The following PTRH1 variants were observed in gnomAD, a reference collection of about 807,000 sequenced individuals.
The protein encoded by PTRH1 is peptidyl-tRNA hydrolase.
A neutral mutation model predicts 15.7 loss-of-function variants in PTRH1; 13 were observed. The ratio of observed to expected loss-of-function variants is 0.83; its 90% CI spans 0.54 to 1.31. The LOEUF (loss-of-function observed/expected upper bound fraction) is 1.31, where lower values mean the gene tolerates loss of function less well. PTRH1 is among the 40% of genes most tolerant of loss of function. The pLI is 0.00. For synonymous variants in PTRH1, 139 were observed against 136.7 expected, an observed-to-expected ratio of 1.02 and a Z score of -0.12; for missense variants, 319 against 296.2, an observed-to-expected ratio of 1.08 and a Z score of -0.56.
chr9:127,700,037 C>T (rs558299778), intron 1 of PTRH1, among the ~76,000 whole-genome samples: 4 of 152,090 alleles, frequency 2.6e-5, no homozygotes, highest in African/African-American at 7.2e-5. Context: ...AAAAACTAGC[C>T]GGTTGTGGTG....
chr9:127,696,522 G>T (rs1228186053), intron 1 of PTRH1, among the ~76,000 whole-genome samples: 1 of 152,164 alleles, frequency 6.6e-6, no homozygotes, highest in African/African-American at 2.4e-5. Context: ...GCAGAGACTA[G>T]ATTTAAACAC....
intron 1 of PTRH1, among the ~76,000 whole-genome samples, chr9:127,707,858 A>G (rs1178759226): frequency 6.6e-6 from 1 of 152,196 alleles, no homozygotes; most frequent in African/African-American, 2.4e-5. Context: ...ACAAACCAGT[A>G]GGCGGCAGCT....
At chr9:127,711,085 C>T, downstream of PTRH1, 1 of 1,027,924 alleles carries the variant, frequency 9.7e-7, no homozygotes, top group Non-Finnish European at 1.4e-6. Context: ...CAGGGAAAGC[C>T]TCCCACCCAT....
At position 127,715,624 on chromosome 9, in the gene PTRH1, A is replaced by C; in HGVS notation, c.16T>G (p.Phe6Val). The change falls in exon 1 of 5, where the codon TTT becomes GTT. Residue 6 changes from phenylalanine (F) to valine (V), a missense_variant. Coordinates refer to ENST00000543175, the MANE Select transcript of PTRH1 (RefSeq NM_001002913.3). This position sits in a 1 kb window ranked among gnomAD's most constrained non-coding sequence, Gnocchi z 5.8. Reference protein sequence around the residue: MRPGGFLGAGQRLSRA... With the variant: MRPGGVLGAGQRLSRA... ...CTCAGCCGCTGTCCGGCGCCCAAAA[A>C]GCCGCCCGGCCTCATGCTGCCCCCA... 1 of 1,612,452 alleles carries C rather than the reference A, an allele frequency of 6.2e-7. No homozygotes were observed. The highest frequency in any genetic ancestry group is 8.5e-7 in the Non-Finnish European group (1 of 1,179,910).
intron 1 of PTRH1, among the ~76,000 whole-genome samples, chr9:127,706,294 T>C (rs1756008): frequency 0.68 from 102,955 of 151,706 alleles, 36,196 homozygotes; most frequent in African/African-American, 0.87. Flanking sequence ...CCCCTGCCCC[T>C]GCCCCAAGGG....
At chr9:127,706,236 C>A (rs1057026467) in intron 1 of PTRH1, among the ~76,000 whole-genome samples, 1 of 152,166 alleles carries the variant, frequency 6.6e-6, no homozygotes, top group Admixed American at 6.6e-5. Flanking sequence ...AATGCCCCCA[C>A]CTCCCTGTGT....
rs370702885 is a variant in PTRH1, at chr9:127,700,005, A to AC, written c.206-4865dup. On this transcript the variant is annotated intron_variant, in intron 1 of 2. Coordinates refer to the PTRH1 transcript ENST00000335223. The stretch of plus-strand genomic sequence containing the variant: ...AGACCAGCCTGGCCAACACGGTGAA[A>AC]CCCCGTCTCTACTAAAAATACAAAA... 5.6e-3 allele frequency among the ~76,000 whole-genome samples: 847 copies of AC among 152,148 alleles called. 10 individuals carry two copies. The highest frequency in any genetic ancestry group is 0.018 in the African/African-American group (765 of 41,486).
At position 127,705,144 on chromosome 9, in the gene PTRH1, G is replaced by A. The variant is rs1050116622; in HGVS notation, c.206-10003C>T. On this transcript the variant is annotated intron_variant, in intron 1 of 2. Coordinates refer to the PTRH1 transcript ENST00000335223. The surrounding 1 kb of genome is among the most constrained non-coding windows in gnomAD (Gnocchi z 4.7). ...AGAGGTGACAGTGCCCCAGGCCACT[G>A]TCCACTGTCCTTGGCCGGTGCTGCA... Among the ~76,000 whole-genome samples, 4 of 152,102 alleles carry A rather than the reference G, an allele frequency of 2.6e-5. No homozygotes were observed. Among genetic ancestry groups the A allele is most frequent in the African/African-American group, 7.2e-5 (3 of 41,406 alleles).
chr9:127,713,313 C>G, downstream of PTRH1: 2 of 837,148 alleles, frequency 2.4e-6, no homozygotes, highest in Non-Finnish European at 3.6e-6. Flanking sequence ...GTAACCAGAT[C>G]TCTCTGAGCC....
chr9:127,706,009 G>A (rs1020075288), intron 1 of PTRH1, among the ~76,000 whole-genome samples: 11 of 152,226 alleles, frequency 7.2e-5, no homozygotes, highest in African/African-American at 2.7e-4. Flanking sequence ...CAAAGTGGGC[G>A]GGAGCTTCAT....
At chr9:127,714,918 G>GGGGGGCCCCCCCCCCCCCCCCCCC in intron 2 of PTRH1, 57 bp downstream of exon 2, 1 of 398,848 alleles carries the variant, frequency 2.5e-6, no homozygotes, top group Non-Finnish European at 4.5e-6. Context: ...TCTGGCCCCC[G>GGGGGGCCCCCCCCCCCCCCCCCCC]CGCCCCAACC....
At chr9:127,699,414 G>A (rs996068559) in intron 1 of PTRH1, among the ~76,000 whole-genome samples, 1 of 152,222 alleles carries the variant, frequency 6.6e-6, no homozygotes, top group Non-Finnish European at 1.5e-5. Flanking sequence ...CCTCGGGACT[G>A]GGCTTGGGGA....
At chr9:127,707,924 G>A (rs7849125) in intron 1 of PTRH1, among the ~76,000 whole-genome samples, 7,934 of 152,222 alleles carry the variant, frequency 0.052, 720 homozygotes, top group African/African-American at 0.18. Context: ...GTCCCTCGTG[G>A]TGCCAGGCAG....
chr9:127,714,945 GC>G, intron 2 of PTRH1, 29 bp downstream of exon 2: 1 of 345,142 alleles, frequency 2.9e-6, no homozygotes, highest in South Asian at 4.4e-5. Context: ...CCCTTGGCCC[GC>G]CCGCCCACCC....
intron 1 of PTRH1, among the ~76,000 whole-genome samples, chr9:127,697,676 A>C (rs1186884046): frequency 6.6e-6 from 1 of 152,080 alleles, no homozygotes; most frequent in Non-Finnish European, 1.5e-5. Context: ...AAAACAAAAA[A>C]CAGCAGCTGT....
At position 127,715,067 on chromosome 9, in the gene PTRH1, T is replaced by A. The variant is rs1336207444; in HGVS notation, c.224A>T (p.Asp75Val). 15 of 1,526,780 alleles carry A rather than the reference T, an allele frequency of 9.8e-6. No individual in the cohort carries two copies. Among genetic ancestry groups the A allele is most frequent in the Non-Finnish European group, 1.3e-5 (15 of 1,143,278 alleles). The allele number at this position is 1,526,780 out of a possible 1,614,324, so 94.6% of individuals were successfully genotyped here. Reference sequence around the variant, plus strand: ...ATCCCCCAGCGGGGCCAGGGCGAGGTCGGCGGCACAGTGCCGGTCGCGCGT... The same window carrying A: ...ATCCCCCAGCGGGGCCAGGGCGAGGACGGCGGCACAGTGCCGGTCGCGCGT... ...SWTRDRHCAADLALAPLGDAQ... is the reference protein window; with the variant it reads ...SWTRDRHCAAVLALAPLGDAQ... The change falls in exon 2 of 5, where the codon GAC (aspartate) becomes GTC (valine). Residue 75 changes from aspartate (D) to valine (V), a missense_variant. By Grantham distance (152) the Asp-to-Val change is radical. Coordinates refer to ENST00000543175, the MANE Select transcript of PTRH1 (RefSeq NM_001002913.3). This position sits in a 1 kb window ranked among gnomAD's most constrained non-coding sequence, Gnocchi z 5.8.
chr9:127,714,527 T>G (rs891821630), intron 3 of PTRH1, 76 bp downstream of exon 3: 1 of 1,591,678 alleles, frequency 6.3e-7, no homozygotes, highest in Admixed American at 1.7e-5. Context: ...CTGTGGAGAC[T>G]GGGTCAGCAG....
chr9:127,702,913 G>T (rs1043530485), intron 1 of PTRH1, among the ~76,000 whole-genome samples: 2 of 150,904 alleles, frequency 1.3e-5, no homozygotes, highest in African/African-American at 4.9e-5. Flanking sequence ...TAGAGACAGG[G>T]TTTTGCCATG....
downstream of PTRH1, chr9:127,711,614 G>A: frequency 7.5e-7 from 1 of 1,339,970 alleles, no homozygotes; most frequent in South Asian, 1.4e-5. Context: ...GCAGCAGAGA[G>A]AGGACTGGGC....
Sources: allele counts gnomAD v4.1 joint callset (sites outside exome capture counted in the v4.1 genomes callset), GRCh38; gene constraint gnomAD v4.1.1; non-coding constraint Gnocchi (gnomAD v3.1); transcripts MANE v1.5; gene names NCBI Gene and HGNC (gene_info 2026-07-23, HGNC 2026-07-21).